Variants in TOLLIP observed in about 807,000 individuals in gnomAD.
TOLLIP encodes toll interacting protein.
A neutral mutation model predicts 33.5 loss-of-function variants in TOLLIP; 16 were observed. The ratio of observed to expected loss-of-function variants is 0.48; its 90% CI spans 0.32 to 0.72. TOLLIP has a LOEUF of 0.72. Among genes scored for constraint, TOLLIP ranks in the 30% least tolerant of loss-of-function variants. TOLLIP has a pLI of 0.03. For missense variants in TOLLIP, 325 were observed against 396.6 expected (o/e 0.82, Z 1.53); for synonymous variants, 176 against 163.7 (o/e 1.07, Z -0.57).
At chr11:1,304,279 C>T (rs185500124) in intron 1 of TOLLIP, among the ~76,000 whole-genome samples, 4 of 151,998 alleles carry the variant, frequency 2.6e-5, no homozygotes, top group African/African-American at 9.6e-5. Context: ...ACCTGGAGTT[C>T]CACACACACA....
intron 3 of TOLLIP, among the ~76,000 whole-genome samples, chr11:1,289,292 G>A (rs547596336): frequency 4.6e-5 from 7 of 152,202 alleles, no homozygotes; most frequent in Non-Finnish European, 5.9e-5. Flanking sequence ...GGGAGGAAAA[G>A]GCAGGGCCCA....
At chr11:1,295,550 C>A in intron 2 of TOLLIP, 95 bp downstream of exon 2, 1 of 1,372,842 alleles carries the variant, frequency 7.3e-7, no homozygotes, top group African/African-American at 1.4e-5. Context: ...TCTGTTTGCC[C>A]GCTTAGGAAA....
intron 1 of TOLLIP, among the ~76,000 whole-genome samples, chr11:1,296,164 A>C (rs558118456): frequency 6.6e-6 from 1 of 152,380 alleles, no homozygotes; most frequent in East Asian, 1.9e-4. Flanking sequence ...AGGCAGGGCC[A>C]CTGAACTGCA....
chr11:1,284,751 C>T (rs1318040948), intron 5 of TOLLIP, among the ~76,000 whole-genome samples: 3 of 152,192 alleles, frequency 2.0e-5, no homozygotes, highest in Non-Finnish European at 2.9e-5. Context: ...CCTGCGCGGG[C>T]GGCTTCACAT....
intron 1 of TOLLIP, among the ~76,000 whole-genome samples, chr11:1,296,517 G>A (rs556065834): frequency 6.0e-4 from 92 of 152,388 alleles, no homozygotes; most frequent in Non-Finnish European, 1.2e-3. Context: ...CGCTGATGAG[G>A]CCCTGAGCAT....
chr11:1,283,748 C>A (rs1259602777), intron 5 of TOLLIP, among the ~76,000 whole-genome samples: 1 of 152,224 alleles, frequency 6.6e-6, no homozygotes, highest in Non-Finnish European at 1.5e-5. Flanking sequence ...GCTCTTTCAG[C>A]CAGATACACC....
At position 1,278,786 on chromosome 11, in the gene TOLLIP, T is replaced by A. The variant is rs1419670116; in HGVS notation, c.611-1533A>T. ...ACCGAACCATGGCCAGGTGGGGACG[T>A]GGCCACCCTCACCACCCTTTCTTCT... On this transcript the variant is annotated intron_variant, in intron 5 of 5. Coordinates refer to ENST00000317204, the MANE Select transcript of TOLLIP (RefSeq NM_019009.4). The surrounding 1 kb of genome is among the most constrained non-coding windows in gnomAD (Gnocchi z 4.7). Among the ~76,000 whole-genome samples the A allele has an allele frequency of 6.6e-6, 1 of 152,212 alleles. No individual in the cohort carries two copies. Among genetic ancestry groups the A allele is most frequent in the Non-Finnish European group, 1.5e-5 (1 of 68,038 alleles).
In TOLLIP at chr11:1,288,612, C is replaced by T. The variant is rs747714909; in HGVS notation, c.519+12G>A. ...CCCAATGCGCCCCACCCCGCCCAGG[C>T]GTGCAGCTCACCGCGTAGGACATGA... is the stretch of plus-strand genomic sequence containing the variant. On this transcript the variant is annotated intron_variant, in intron 4 of 5. Transcript: ENST00000317204. 2.6e-5 allele frequency: 41 copies of T among 1,605,522 alleles called. No individual in the cohort carries two copies. Among genetic ancestry groups the T allele is most frequent in the East Asian group, 1.8e-4 (8 of 44,748 alleles).
At position 1,277,723 on chromosome 11, in the gene TOLLIP, C is replaced by A. The variant is rs954297757; in HGVS notation, c.611-470G>T. 6.6e-6 allele frequency among the ~76,000 whole-genome samples: 1 copy of A among 152,194 alleles called. No individual in the cohort carries two copies. The highest frequency in any genetic ancestry group is 2.4e-5 in the African/African-American group (1 of 41,446). On this transcript the variant is annotated intron_variant, in intron 5 of 5. Transcript: ENST00000317204. The surrounding 1 kb of genome is among the most constrained non-coding windows in gnomAD (Gnocchi z 4.2). ...AACACTGCACGGTCTGAGCCTCTTC[C>A]TTTATCAGGCATTCTAGAAGATGCT...
chr11:1,275,051 A>C lies in TOLLIP; in HGVS notation c.*1988T>G, dbSNP rs1170844264. On this transcript the variant is annotated 3_prime_UTR_variant, in exon 6 of 6. Transcript: ENST00000317204. The stretch of plus-strand genomic sequence containing the variant: ...AAAATGTGATTTGTCTATTAAAAAA[A>C]TAAAGCGCTTGTGAAAAAGAAAACT... 6.6e-6 allele frequency: 1 copy of C among 152,258 alleles called. No individual in the cohort carries two copies. Among genetic ancestry groups the C allele is most frequent in the African/African-American group, 2.4e-5 (1 of 41,468 alleles). 9.4% of individuals were successfully genotyped at this position (152,258 alleles called of 1,614,324 possible). A position where few individuals can be genotyped will look rare whatever the true frequency, so the allele number is the denominator to read the frequency against.
At chr11:1,309,023 G>C (rs78736015) in intron 1 of TOLLIP, among the ~76,000 whole-genome samples, 1 of 151,992 alleles carries the variant, frequency 6.6e-6, no homozygotes, top group Non-Finnish European at 1.5e-5. Context: ...GCCTCCACCT[G>C]GGGGACCATT....
chr11:1,276,551 A>C lies in TOLLIP; in HGVS notation c.*488T>G, dbSNP rs1157375514. 1.3e-6 allele frequency: 1 copy of C among 759,904 alleles called. No individual in the cohort carries two copies. Among genetic ancestry groups the C allele is most frequent in the African/African-American group, 1.8e-5 (1 of 54,592 alleles). 47.1% of individuals were successfully genotyped at this position (759,904 alleles called of 1,614,324 possible). ...AGCCCTGGGCAGGGGCCAGGCTCACAGCAAAGCGCGTTAGGGCAAGGGCGT... is the reference window on the plus strand; with the variant it reads ...AGCCCTGGGCAGGGGCCAGGCTCACCGCAAAGCGCGTTAGGGCAAGGGCGT... On this transcript the variant is annotated 3_prime_UTR_variant, in exon 6 of 6. Transcript: ENST00000317204.
In TOLLIP at chr11:1,276,962, T is replaced by G. The variant is rs1192277706; in HGVS notation, c.*77A>C. On this transcript the variant is annotated 3_prime_UTR_variant, in exon 6 of 6. Coordinates refer to ENST00000317204, the MANE Select transcript of TOLLIP (RefSeq NM_019009.4). ...CGGGTGCTCTTTCACGGGAATCTTGTTGGGACAGCATTCCTTGGGGAGCGC... is the reference window on the plus strand; with the variant it reads ...CGGGTGCTCTTTCACGGGAATCTTGGTGGGACAGCATTCCTTGGGGAGCGC... The G allele has an allele frequency of 1.8e-5, 28 of 1,588,296 alleles. No individual in the cohort carries two copies. The highest frequency in any genetic ancestry group is 2.4e-5 in the Non-Finnish European group (28 of 1,163,988).
chr11:1,285,605 G>A (rs896691396), intron 5 of TOLLIP, among the ~76,000 whole-genome samples: 3 of 152,140 alleles, frequency 2.0e-5, no homozygotes, highest in African/African-American at 4.8e-5. Context: ...CGCAGGGCAC[G>A]CGTCACCCAA....
chr11:1,295,392 G>A, intron 2 of TOLLIP: 1 of 373,864 alleles, frequency 2.7e-6, no homozygotes, highest in African/African-American at 2.1e-5. Context: ...TGGTGGAAGA[G>A]CCAGGCCCTA....
intron 1 of TOLLIP, among the ~76,000 whole-genome samples, chr11:1,299,278 T>C (rs918962385): frequency 6.6e-6 from 1 of 152,180 alleles, no homozygotes; most frequent in Non-Finnish European, 1.5e-5. Flanking sequence ...GTACAAATAC[T>C]GGTTACGCAA....
At chr11:1,293,807 G>A (rs1026277626) in intron 2 of TOLLIP, among the ~76,000 whole-genome samples, 4 of 152,272 alleles carry the variant, frequency 2.6e-5, no homozygotes, top group Non-Finnish European at 5.9e-5. Context: ...GGCTGAGGAC[G>A]GGTGATGGCA....
intron 5 of TOLLIP, among the ~76,000 whole-genome samples, chr11:1,282,160 C>T (rs1165695889): frequency 1.3e-5 from 2 of 152,214 alleles, no homozygotes; most frequent in African/African-American, 2.4e-5. Flanking sequence ...GGGCTAAGGC[C>T]GGAAATGCAG....
Position 1,290,025 on chromosome 11 carries a change from A to G in TOLLIP, c.366+202T>C, listed in dbSNP as rs909202188. 1.7e-5 allele frequency: 10 copies of G among 584,058 alleles called. No individual in the cohort carries two copies. Among genetic ancestry groups the G allele is most frequent in the African/African-American group, 1.5e-4 (8 of 53,658 alleles). The allele number at this position is 584,058 out of a possible 1,614,324, so 36.2% of individuals were successfully genotyped here. A position where few individuals can be genotyped will look rare whatever the true frequency, so the allele number is the denominator to read the frequency against. On this transcript the variant is annotated intron_variant, in intron 3 of 5. Transcript: ENST00000317204. The surrounding 1 kb of genome is among the most constrained non-coding windows in gnomAD (Gnocchi z 4.9). ...TGTCACTGGGGATGTTTCCAAATGT[A>G]AGTATGTTCAAGGAGCTGGAAACAA...
Sources: gnomAD v4.1 joint callset for allele counts (sites outside exome capture counted in the v4.1 genomes callset) on GRCh38, gnomAD v4.1.1 for gene constraint, Gnocchi (gnomAD v3.1) non-coding constraint, MANE v1.5 for transcripts, NCBI Gene and HGNC (gene_info 2026-07-23, HGNC 2026-07-21) for gene names.